Variants in FMN1 observed in about 807,000 individuals in gnomAD.
FMN1 encodes the protein formin 1.
Under a neutral mutation model 132.4 loss-of-function variants are expected in FMN1, and 110 were observed. The observed-to-expected ratio is 0.83, with a 90% CI of 0.71 to 0.97. The LOEUF (loss-of-function observed/expected upper bound fraction) is 0.97, where lower values mean the gene tolerates loss of function less well. Among genes scored for constraint, FMN1 ranks in the 50% least tolerant of loss-of-function variants. FMN1 has a pLI of 0.00. For synonymous variants in FMN1, 722 were observed against 651.7 expected (o/e 1.11, Z -1.64); for missense variants, 1,792 against 1,705.3 (o/e 1.05, Z -0.90).
chr15:33,017,243 T>G (rs2035106410), intron 6 of FMN1, among the ~76,000 whole-genome samples: 1 of 152,196 alleles, frequency 6.6e-6, no homozygotes, highest in Non-Finnish European at 1.5e-5. Flanking sequence ...ACTATAATAG[T>G]TGATACGGGT....
intron 17 of FMN1, among the ~76,000 whole-genome samples, chr15:32,819,605 G>A (rs1023097246): frequency 2.0e-5 from 3 of 152,150 alleles, no homozygotes; most frequent in South Asian, 4.1e-4. Context: ...GGACACATCT[G>A]TTTCTTTGCT....
Position 33,186,388 on chromosome 15 carries a change from T to C in FMN1, c.-196-6126A>G, listed in dbSNP as rs118062907. 3.3e-3 allele frequency among the ~76,000 whole-genome samples: 499 copies of C among 152,126 alleles called. 2 individuals are homozygous for C. The highest frequency in any genetic ancestry group is 0.01 in the African/African-American group (420 of 41,476). ...CCAGGCCCTTCAGCAAGCCCTCAAA[T>C]AGAAAAGTGTTTAGCCTCGAAAATC... On this transcript the variant is annotated intron_variant, in intron 2 of 20. Coordinates refer to ENST00000616417, the MANE Select transcript of FMN1 (RefSeq NM_001277313.2).
chr15:33,066,886 A>T (rs1221006874), intron 5 of FMN1: 1 of 1,613,960 alleles, frequency 6.2e-7, no homozygotes, highest in East Asian at 2.2e-5. Flanking sequence ...CCTTCGGATC[A>T]GTTGCTTTCT....
intron 5 of FMN1, 71 bp downstream of exon 5, chr15:33,088,728 T>C (rs1032817517): frequency 2.3e-6 from 3 of 1,306,868 alleles, no homozygotes; most frequent in Non-Finnish European, 3.1e-6. Flanking sequence ...ACAATTTACA[T>C]TAAATACATA....
At chr15:32,833,072 T>C (rs2058540880) in intron 17 of FMN1, among the ~76,000 whole-genome samples, 1 of 152,142 alleles carries the variant, frequency 6.6e-6, no homozygotes, top group African/African-American at 2.4e-5. Context: ...TGCTCTGCTC[T>C]TCTCCACCGC....
chr15:33,102,074 C>A (rs2039314757), intron 4 of FMN1, among the ~76,000 whole-genome samples: 1 of 152,102 alleles, frequency 6.6e-6, no homozygotes, highest in Non-Finnish European at 1.5e-5. Context: ...CTCCCCTTTT[C>A]TATTCTTTTG....
chr15:32,811,039 T>G (rs1349450771), intron 17 of FMN1: 1 of 456,546 alleles, frequency 2.2e-6, no homozygotes, highest in Non-Finnish European at 4.4e-6. Context: ...AAATCCCCGT[T>G]GTGCACTTTC....
Position 32,798,837 on chromosome 15 carries a change from C to T in FMN1, c.4097G>A (p.Trp1366Ter), listed in dbSNP as rs2057380120. 1.2e-6 allele frequency: 2 copies of T among 1,613,162 alleles called. No homozygotes were observed. Among genetic ancestry groups the T allele is most frequent in the African/African-American group, 2.7e-5 (2 of 74,882 alleles). ...YEFCSDFKTI[W>*]KRESKNISKE... Reference sequence around the variant, plus strand: ...AGATATGTTTTTACTCTCCCGTTTCCAAATTGTCTTGAAGTCACTGCAGAA... The same window carrying T: ...AGATATGTTTTTACTCTCCCGTTTCTAAATTGTCTTGAAGTCACTGCAGAA... Residue 1366 changes from tryptophan (W) to a stop codon, truncating the protein, a stop_gained, in exon 19 of 21, where the codon TGG becomes TAG. Coordinates refer to ENST00000616417, the MANE Select transcript of FMN1 (RefSeq NM_001277313.2). LOFTEE classifies it high-confidence loss of function.
At chr15:32,812,073 C>T (rs2057902825) in intron 17 of FMN1, among the ~76,000 whole-genome samples, 1 of 152,152 alleles carries the variant, frequency 6.6e-6, no homozygotes, top group Admixed American at 6.5e-5. Flanking sequence ...TATCACCTAA[C>T]TTGGGCACCT....
intron 6 of FMN1, among the ~76,000 whole-genome samples, chr15:33,042,988 A>T (rs978269503): frequency 6.6e-6 from 1 of 152,120 alleles, no homozygotes; most frequent in Non-Finnish European, 1.5e-5. Context: ...AAATCTAAAC[A>T]TATGCGTGTA....
intron 7 of FMN1, among the ~76,000 whole-genome samples, chr15:33,000,545 C>A (rs1290285790): frequency 6.6e-6 from 1 of 151,398 alleles, no homozygotes; most frequent in Non-Finnish European, 1.5e-5. Context: ...GAGAGAGAGG[C>A]TGAGGTGGGC....
chr15:33,083,440 G>T (rs184883556), intron 5 of FMN1, among the ~76,000 whole-genome samples: 28 of 152,224 alleles, frequency 1.8e-4, no homozygotes, highest in Non-Finnish European at 2.8e-4. Flanking sequence ...ATTAGGGTTG[G>T]CATTTTGCGT....
At chr15:33,016,645 T>C (rs918407880) in intron 6 of FMN1, among the ~76,000 whole-genome samples, 4 of 152,216 alleles carry the variant, frequency 2.6e-5, no homozygotes, top group African/African-American at 7.2e-5. Context: ...CCTGTAATGT[T>C]GATCCAACAC....
chr15:32,785,617 A>G (rs2056851888), intron 19 of FMN1, among the ~76,000 whole-genome samples: 1 of 152,160 alleles, frequency 6.6e-6, no homozygotes, highest in East Asian at 1.9e-4. Context: ...TGGTAATACT[A>G]TCAGGGCATT....
At chr15:32,905,043 A>G (rs2060388514) in intron 12 of FMN1, among the ~76,000 whole-genome samples, 1 of 152,230 alleles carries the variant, frequency 6.6e-6, no homozygotes. Context: ...AAGAAAGAAG[A>G]CTAAATATTC....
intron 17 of FMN1, among the ~76,000 whole-genome samples, chr15:32,805,911 C>G (rs1374434388): frequency 6.6e-6 from 1 of 152,126 alleles, no homozygotes; most frequent in East Asian, 1.9e-4. Flanking sequence ...TACTAAGATA[C>G]AATTCTGAAT....
At chr15:33,018,850 C>A (rs1435937225) in intron 6 of FMN1, among the ~76,000 whole-genome samples, 2 of 152,128 alleles carry the variant, frequency 1.3e-5, no homozygotes, top group Non-Finnish European at 2.9e-5. Context: ...TGTTACAGCT[C>A]TTAAGGCAGC....
intron 19 of FMN1, among the ~76,000 whole-genome samples, chr15:32,791,140 G>A (rs547879055): frequency 6.6e-6 from 1 of 152,168 alleles, no homozygotes; most frequent in East Asian, 1.9e-4. Context: ...TAGGTGCAGG[G>A]AGGGATGAGG....
chr15:32,885,321 T>C (rs2059870239), intron 16 of FMN1, among the ~76,000 whole-genome samples: 1 of 152,150 alleles, frequency 6.6e-6, no homozygotes, highest in Non-Finnish European at 1.5e-5. Flanking sequence ...ATATGTTCAG[T>C]AACTCTAATT....
Sources: gnomAD v4.1 joint callset for allele counts (sites outside exome capture counted in the v4.1 genomes callset) on GRCh38, gnomAD v4.1.1 for gene constraint, MANE v1.5 for transcripts, NCBI Gene and HGNC (gene_info 2026-07-23, HGNC 2026-07-21) for gene names.